The following GLG1 variants were observed in gnomAD, a reference collection of about 807,000 sequenced individuals.
GLG1 encodes golgi glycoprotein 1.
A neutral mutation model predicts 160.5 loss-of-function variants in GLG1; 38 were observed. The observed-to-expected ratio is 0.24, with a 90% CI of 0.18 to 0.31. The LOEUF (loss-of-function observed/expected upper bound fraction) is 0.31. Among genes scored for constraint, GLG1 ranks in the 10% least tolerant of loss-of-function variants. The pLI, the probability that GLG1 is intolerant of heterozygous loss-of-function variation, is 1.00. For synonymous variants in GLG1, 644 were observed against 543.4 expected, an observed-to-expected ratio of 1.19 and a Z score of -2.57; for missense variants, 1,373 against 1,505.2, an observed-to-expected ratio of 0.91 and a Z score of 1.45.
intron 1 of GLG1, among the ~76,000 whole-genome samples, chr16:74,541,020 C>T (rs369222801): frequency 3.9e-5 from 6 of 152,046 alleles, no homozygotes; most frequent in East Asian, 1.9e-4. Flanking sequence ...CTACTACTAC[C>T]GAAATACAGT....
intron 4 of GLG1, 75 bp from the exon 5 acceptor site, chr16:74,496,719 C>A (rs1366655280): frequency 2.9e-6 from 2 of 683,632 alleles, no homozygotes; most frequent in African/African-American, 3.7e-5. Context: ...TGGCTACACA[C>A]ACACACACAC....
chr16:74,522,486 A>G (rs1015045505), intron 2 of GLG1, among the ~76,000 whole-genome samples: 2 of 152,100 alleles, frequency 1.3e-5, no homozygotes, highest in Non-Finnish European at 2.9e-5. Context: ...GCACCTTTTC[A>G]TTGTTTTTAG....
chr16:74,461,675 T>C (rs2014803390), intron 22 of GLG1: 2 of 154,032 alleles, frequency 1.3e-5, no homozygotes. Flanking sequence ...TTCTCCATGT[T>C]AGCCAGGCTG....
chr16:74,478,094 A>G (rs964430651), intron 11 of GLG1, among the ~76,000 whole-genome samples: 12 of 152,216 alleles, frequency 7.9e-5, no homozygotes, highest in Non-Finnish European at 1.8e-4. Context: ...TATACTATAT[A>G]AACAACATTC....
intron 1 of GLG1, among the ~76,000 whole-genome samples, chr16:74,587,063 C>T (rs1055957091): frequency 3.9e-5 from 6 of 152,124 alleles, no homozygotes; most frequent in African/African-American, 1.4e-4. Context: ...AAGTTAAAAT[C>T]CAAGAAGTAA....
At chr16:74,508,704 C>A (rs1567491467) in intron 3 of GLG1, 135 bp downstream of exon 3, 3 of 580,526 alleles carry the variant, frequency 5.2e-6, no homozygotes, top group Non-Finnish European at 9.3e-6. Context: ...CACCCCCCAA[C>A]TTCCTAATTT....
chr16:74,510,363 CAT>C (rs751827051), intron 2 of GLG1, among the ~76,000 whole-genome samples: 21 of 152,264 alleles, frequency 1.4e-4, no homozygotes, highest in Admixed American at 2.6e-4. Flanking sequence ...TGTTTTAACA[CAT>C]GTTACACTAG....
At chr16:74,556,054 G>C (rs1156393341) in intron 1 of GLG1, among the ~76,000 whole-genome samples, 1 of 152,076 alleles carries the variant, frequency 6.6e-6, no homozygotes, top group East Asian at 1.9e-4. Context: ...GCCTGAGCTA[G>C]TCTCCAGCTC....
chr16:74,518,334 A>T (rs1440199011), intron 2 of GLG1, among the ~76,000 whole-genome samples: 1 of 152,208 alleles, frequency 6.6e-6, no homozygotes, highest in Non-Finnish European at 1.5e-5. Flanking sequence ...ACAGCGTGGT[A>T]CTGGTACCAA....
chr16:74,597,681 A>G (rs1355589668), intron 1 of GLG1, among the ~76,000 whole-genome samples: 1 of 151,282 alleles, frequency 6.6e-6, no homozygotes, highest in East Asian at 2.0e-4. Context: ...GTGAAATCCC[A>G]TCTCTACTAA....
intron 4 of GLG1, among the ~76,000 whole-genome samples, chr16:74,497,310 ACAC>A (rs151132179): frequency 7.3e-5 from 11 of 149,874 alleles, no homozygotes; most frequent in East Asian, 2.0e-4. Flanking sequence ...ACACACACAC[ACAC>A]ACAAAAAACC....
At chr16:74,474,308 T>G (rs1363925268) in intron 13 of GLG1, 1 of 437,740 alleles carries the variant, frequency 2.3e-6, no homozygotes, top group East Asian at 3.5e-5. Context: ...ATGATAAACC[T>G]AATTTATGAA....
intron 1 of GLG1, among the ~76,000 whole-genome samples, chr16:74,599,965 C>T (rs1958400888): frequency 6.7e-6 from 1 of 149,410 alleles, no homozygotes; most frequent in South Asian, 2.1e-4. Context: ...ATACAGGAGA[C>T]AAAGGTTGCA....
At chr16:74,496,713 TACAC>T (rs34221253) in intron 4 of GLG1, 69 bp from the exon 5 acceptor site, 25,016 of 612,760 alleles carry the variant, frequency 0.041, 167 homozygotes, top group African/African-American at 0.076. Context: ...AACATTTGGC[TACAC>T]ACACACACAC....
chr16:74,557,623 C>A (rs12446715), intron 1 of GLG1, among the ~76,000 whole-genome samples: 19,569 of 152,164 alleles, frequency 0.13, 1,428 homozygotes, highest in Non-Finnish European at 0.17. Flanking sequence ...TGAGACTGAG[C>A]AGGTAACAGG....
intron 2 of GLG1, among the ~76,000 whole-genome samples, chr16:74,520,708 C>T (rs1313093851): frequency 6.6e-6 from 1 of 152,156 alleles, no homozygotes; most frequent in East Asian, 1.9e-4. Flanking sequence ...CCAGAAATAT[C>T]TTTATATTAC....
chr16:74,589,998 T>C (rs1353233602), intron 1 of GLG1, among the ~76,000 whole-genome samples: 1 of 150,862 alleles, frequency 6.6e-6, no homozygotes. Flanking sequence ...ACTTCACTTT[T>C]GTTGTTGTTG....
intron 1 of GLG1, among the ~76,000 whole-genome samples, chr16:74,601,497 ATT>A (rs1175435116): frequency 6.6e-6 from 1 of 151,940 alleles, no homozygotes; most frequent in East Asian, 1.9e-4. Flanking sequence ...GCTTACAGTC[ATT>A]TGTTAGTTAA....
chr16:74,485,977 G>A, intron 8 of GLG1, 60 bp from the exon 9 acceptor site: 5 of 1,358,502 alleles, frequency 3.7e-6, no homozygotes, highest in Non-Finnish European at 5.2e-6. Flanking sequence ...GGTAAGAGCA[G>A]TGTCTTCATA....
Sources: gnomAD v4.1 joint callset for allele counts (sites outside exome capture counted in the v4.1 genomes callset) on GRCh38, gnomAD v4.1.1 for gene constraint, MANE v1.5 for transcripts, NCBI Gene and HGNC (gene_info 2026-07-23, HGNC 2026-07-21) for gene names.